SAP130: variants seen among roughly 807,000 people sequenced by gnomAD.
The protein encoded by SAP130 is histone deacetylase complex subunit SAP130.
A neutral mutation model predicts 103.2 loss-of-function variants in SAP130; 16 were observed. The observed-to-expected ratio is 0.16, with a 90% CI of 0.10 to 0.24. The LOEUF (loss-of-function observed/expected upper bound fraction) is 0.24, where lower values mean the gene tolerates loss of function less well. SAP130 is among the 10% of genes least tolerant of loss of function. The pLI, the probability that SAP130 is intolerant of heterozygous loss-of-function variation, is 1.00. For missense variants in SAP130, 990 were observed against 1,359.7 expected (o/e 0.73, Z 4.28); for synonymous variants, 477 against 497.0 (o/e 0.96, Z 0.53).
At chr2:128,000,544 G>C (rs533583942) in intron 7 of SAP130, 90 bp from the exon 8 acceptor site, 2 of 1,437,462 alleles carry the variant, frequency 1.4e-6, no homozygotes, top group East Asian at 4.7e-5. Context: ...TTTTTCATAG[G>C]TCTATGAAGT....
In SAP130 at chr2:127,989,673, A is replaced by C. The variant is rs146204683; in HGVS notation, c.1671T>G (p.Pro557=). The C allele has an allele frequency of 8.1e-6, 13 of 1,614,100 alleles. No homozygotes were observed. Among genetic ancestry groups the C allele is most frequent in the Non-Finnish European group, 1.0e-5 (12 of 1,180,042 alleles). ...PAPIGTPGIQ[P]APLGTQGIHS... is the part of the protein sequence containing the mutation. Reference sequence around the variant, plus strand: ...GAATTCCCTGTGTGCCAAGTGGTGCAGGCTGTATCCCTGGGGTCCCAATGG... The same window carrying C: ...GAATTCCCTGTGTGCCAAGTGGTGCCGGCTGTATCCCTGGGGTCCCAATGG... Residue 557 remains proline (P), a synonymous_variant, in exon 13 of 21, where the codon CCT becomes CCG. Transcript: ENST00000643581. The surrounding 1 kb of genome is among the most constrained non-coding windows in gnomAD (Gnocchi z 4.6).
At chr2:128,019,417 G>A (rs543009083) in intron 2 of SAP130, among the ~76,000 whole-genome samples, 3 of 152,228 alleles carry the variant, frequency 2.0e-5, no homozygotes, top group East Asian at 3.9e-4. Context: ...ACAGGCACAT[G>A]CCACCACACC....
chr2:128,000,956 T>C (rs926692563), intron 7 of SAP130, among the ~76,000 whole-genome samples: 8 of 152,154 alleles, frequency 5.3e-5, no homozygotes, highest in South Asian at 2.1e-4. Flanking sequence ...TCTGAAAATA[T>C]ACTATAAATT....
chr2:127,961,948 C>G (rs552434237), intron 15 of SAP130, among the ~76,000 whole-genome samples: 4 of 152,304 alleles, frequency 2.6e-5, no homozygotes, highest in African/African-American at 9.6e-5. Flanking sequence ...AGCCAGCTAT[C>G]TTTCAACAGA....
intron 18 of SAP130, among the ~76,000 whole-genome samples, chr2:127,948,947 T>C (rs186255149): frequency 2.0e-5 from 3 of 152,338 alleles, no homozygotes; most frequent in East Asian, 3.9e-4. Flanking sequence ...AAGAGATGTT[T>C]AGTGGTTCAT....
chr2:127,950,186 C>T lies in SAP130; in HGVS notation c.2645G>A (p.Arg882His), dbSNP rs773230599. The T allele has an allele frequency of 2.0e-5, 32 of 1,614,066 alleles. No individual in the cohort carries two copies. Among genetic ancestry groups the T allele is most frequent in the Non-Finnish European group, 2.4e-5 (28 of 1,180,040 alleles). The change falls in exon 17 of 21, where the codon CGC (arginine) becomes CAC (histidine). Residue 882 changes from arginine to histidine, a missense_variant. Arg to His is a conservative substitution (Grantham distance 29). Coordinates refer to ENST00000643581, the MANE Select transcript of SAP130 (RefSeq NM_001330301.2). ...AATATACTCCTTGGGAGGAGACTTG[C>T]GCTTCTCAGCCTTCACCAGAAGACT... ...AKSLLVKAEK[R>H]KSPPKEYIDE...
In SAP130 at chr2:127,952,295, A is replaced by G. The variant is rs1346204409; in HGVS notation, c.2423-1887T>C. Among the ~76,000 whole-genome samples, 3 of 152,018 alleles carry G rather than the reference A, an allele frequency of 2.0e-5. No individual in the cohort carries two copies. The East Asian group carries it at 5.8e-4, about 29-fold the overall frequency. Reference sequence around the variant, plus strand: ...GTGAAACCCCATCTCTACTAAAAATATAAAAATTGGCTGGGTGTGGTGGCA... The same window carrying G: ...GTGAAACCCCATCTCTACTAAAAATGTAAAAATTGGCTGGGTGTGGTGGCA... On this transcript the variant is annotated intron_variant, in intron 16 of 20. Coordinates refer to ENST00000643581, the MANE Select transcript of SAP130 (RefSeq NM_001330301.2).
At chr2:127,975,553 CA>C (rs1303137767) in intron 15 of SAP130, among the ~76,000 whole-genome samples, 1 of 150,532 alleles carries the variant, frequency 6.6e-6, no homozygotes, top group African/African-American at 2.5e-5. Context: ...TTTGGATTGA[CA>C]ATAGTAATAA....
intron 2 of SAP130, among the ~76,000 whole-genome samples, chr2:128,018,461 G>C (rs1684928684): frequency 7.1e-6 from 1 of 141,388 alleles, no homozygotes; most frequent in Non-Finnish European, 1.5e-5. Flanking sequence ...CTCTAGCCTG[G>C]GCGAGAGAGG....
rs746841495 is a variant in SAP130, at chr2:127,950,398, T to G, written c.2433A>C (p.Pro811=). Reference sequence around the variant, plus strand: ...ATGGAGACACAGTGTTGGTAGCCAGTGGAGGAACTGCTGTCATAGGAAAAG... The same window carrying G: ...ATGGAGACACAGTGTTGGTAGCCAGGGGAGGAACTGCTGTCATAGGAAAAG... ...DIMRPVSAVP[P]LATNTVSPSL... The change falls in exon 17 of 21, where the codon CCA becomes CCC. Residue 811 remains proline, a synonymous_variant. Coordinates refer to ENST00000643581, the MANE Select transcript of SAP130 (RefSeq NM_001330301.2). 6 of 1,614,168 alleles carry G rather than the reference T, an allele frequency of 3.7e-6. No homozygotes were observed. The East Asian group carries it at 6.7e-5, about 18-fold the overall frequency.
At chr2:127,994,920 G>C (rs1683066806) in intron 11 of SAP130, among the ~76,000 whole-genome samples, 2 of 152,158 alleles carry the variant, frequency 1.3e-5, no homozygotes, top group South Asian at 4.1e-4. Flanking sequence ...TAAACATTTA[G>C]AGCTAACAGG....
intron 19 of SAP130, among the ~76,000 whole-genome samples, chr2:127,944,857 G>A (rs988602988): frequency 3.4e-5 from 5 of 147,624 alleles, no homozygotes; most frequent in Non-Finnish European, 7.4e-5. Flanking sequence ...AGCCATGGTC[G>A]TGCCACTGCA....
chr2:127,990,853 A>G (rs1682738951), intron 12 of SAP130, among the ~76,000 whole-genome samples: 1 of 149,188 alleles, frequency 6.7e-6, no homozygotes, highest in African/African-American at 2.5e-5. Context: ...AGATGGGAGG[A>G]TTCCCTTGAA....
chr2:127,943,375 T>G (rs2104839093), intron 19 of SAP130, among the ~76,000 whole-genome samples: 1 of 152,344 alleles, frequency 6.6e-6, no homozygotes, highest in East Asian at 1.9e-4. Context: ...TAACAGCAGT[T>G]TATGAGTCAC....
chr2:128,011,610 C>T (rs905686809), intron 6 of SAP130, among the ~76,000 whole-genome samples: 2 of 152,174 alleles, frequency 1.3e-5, no homozygotes, highest in African/African-American at 4.8e-5. Context: ...ACATATACTA[C>T]TAGAGGCCTA....
chr2:128,000,676 T>C (rs1415315895), intron 7 of SAP130, among the ~76,000 whole-genome samples: 5 of 152,212 alleles, frequency 3.3e-5, no homozygotes, highest in African/African-American at 1.2e-4. Context: ...CCTTACTTGT[T>C]CTCAGAATCC....
chr2:128,017,009 C>G (rs368329817), intron 3 of SAP130, among the ~76,000 whole-genome samples: 8 of 152,348 alleles, frequency 5.3e-5, no homozygotes, highest in African/African-American at 1.7e-4. Context: ...TCCCATGGTA[C>G]TGGGTTATCT....
Position 128,000,358 on chromosome 2 carries a change from T to C in SAP130, c.966A>G (p.Pro322=). ...TTGGCGTCCCTAATGCAGGGTGAGA[T>C]GGTAGTGTGATTCTTGTTGTGACAT... is the stretch of plus-strand genomic sequence containing the variant. ...SRDVTTRITL[P]SHPALGTPKQ... The change falls in exon 8 of 21, where the codon CCA becomes CCG. Residue 322 remains proline (P), a synonymous_variant. Transcript: ENST00000643581. The C allele has an allele frequency of 6.2e-7, 1 of 1,614,162 alleles. No individual in the cohort carries two copies. Among genetic ancestry groups the C allele is most frequent in the Non-Finnish European group, 8.5e-7 (1 of 1,180,028 alleles).
intron 15 of SAP130, among the ~76,000 whole-genome samples, chr2:127,961,593 T>C (rs1680254104): frequency 6.6e-6 from 1 of 151,774 alleles, no homozygotes; most frequent in Non-Finnish European, 1.5e-5. Context: ...GTCCCCTATT[T>C]GTGGAGTAGA....
Sources: allele counts gnomAD v4.1 joint callset (sites outside exome capture counted in the v4.1 genomes callset), GRCh38; gene constraint gnomAD v4.1.1; non-coding constraint Gnocchi (gnomAD v3.1); transcripts MANE v1.5; gene names NCBI Gene and HGNC (gene_info 2026-07-23, HGNC 2026-07-21).